PDE4D: variants seen among roughly 807,000 people sequenced by gnomAD.
PDE4D encodes the protein 3',5'-cyclic-AMP phosphodiesterase 4D.
In PDE4D, 24 loss-of-function variants were observed where a neutral mutation model predicts 87.4. The observed-to-expected ratio is 0.27, with a 90% CI of 0.20 to 0.39. PDE4D has a LOEUF of 0.39. PDE4D is among the 10% of genes least tolerant of loss of function. The pLI, the probability that PDE4D is intolerant of heterozygous loss-of-function variation, is 1.00. For synonymous variants in PDE4D, 384 were observed against 383.2 expected, an observed-to-expected ratio of 1.00 and a Z score of -0.02; for missense variants, 714 against 1,041.0, an observed-to-expected ratio of 0.69 and a Z score of 4.32.
Position 60,318,183 on chromosome 5 carries a change from A to G in PDE4D, c.-89-132496T>C, listed in dbSNP as rs1442916602. Among the ~76,000 whole-genome samples, 4 of 152,200 alleles carry G rather than the reference A, an allele frequency of 2.6e-5. No homozygotes were observed. The East Asian group carries it at 7.7e-4, about 29-fold the overall frequency. On this transcript the variant is annotated intron_variant, in intron 1 of 16. Transcript: ENST00000502484. ...CTGGGTACTCCTGTATTAGGTGCATATATATTTAGGATAGTTAGCTCTTCC... is the reference window on the plus strand; with the variant it reads ...CTGGGTACTCCTGTATTAGGTGCATGTATATTTAGGATAGTTAGCTCTTCC...
At chr5:59,409,862 G>C (rs1206412558) in intron 1 of PDE4D, among the ~76,000 whole-genome samples, 1 of 152,012 alleles carries the variant, frequency 6.6e-6, no homozygotes, top group East Asian at 1.9e-4. Flanking sequence ...AGTACTATAG[G>C]TCTTTTCTCT....
intron 1 of PDE4D, among the ~76,000 whole-genome samples, chr5:60,407,534 AC>A (rs1741657331): frequency 7.3e-6 from 1 of 136,304 alleles, no homozygotes; most frequent in African/African-American, 2.9e-5. Flanking sequence ...GCTCACTGCA[AC>A]CTTCGCCTCC....
intron 1 of PDE4D, among the ~76,000 whole-genome samples, chr5:60,425,656 T>G (rs1434196923): frequency 2.0e-5 from 3 of 151,656 alleles, no homozygotes; most frequent in Non-Finnish European, 4.4e-5. Flanking sequence ...CAAAAAGCAA[T>G]GGCAACAAAA....
At chr5:59,335,031 A>G (rs898455582) in intron 1 of PDE4D, among the ~76,000 whole-genome samples, 12 of 152,072 alleles carry the variant, frequency 7.9e-5, no homozygotes, top group African/African-American at 2.9e-4. Flanking sequence ...TTTCCCATCC[A>G]TCATATTAAT....
At chr5:59,845,517 G>T (rs954222527) in intron 1 of PDE4D, among the ~76,000 whole-genome samples, 13 of 152,060 alleles carry the variant, frequency 8.5e-5, no homozygotes, top group African/African-American at 3.1e-4. Flanking sequence ...TTTGTTTGAT[G>T]GCTAAAATAT....
chr5:59,933,634 A>G (rs1445475132), intron 3 of PDE4D, among the ~76,000 whole-genome samples: 1 of 152,182 alleles, frequency 6.6e-6, no homozygotes, highest in Middle Eastern at 3.2e-3. Flanking sequence ...TAAGAAAATA[A>G]CTTGCTTAAA....
At chr5:59,833,666 T>C (rs939702792) in intron 1 of PDE4D, among the ~76,000 whole-genome samples, 1 of 151,848 alleles carries the variant, frequency 6.6e-6, no homozygotes, top group Non-Finnish European at 1.5e-5. Flanking sequence ...TCAGATTCCA[T>C]TGGTCGGTCA....
At chr5:59,878,310 A>G (rs554586086) in intron 1 of PDE4D, among the ~76,000 whole-genome samples, 1 of 152,288 alleles carries the variant, frequency 6.6e-6, no homozygotes, top group South Asian at 2.1e-4. Flanking sequence ...CAACACTGCA[A>G]ATTTCCTCTG....
chr5:60,157,918 TTCCTTCCC>T (rs1782130253), intron 2 of PDE4D, among the ~76,000 whole-genome samples: 1 of 128,592 alleles, frequency 7.8e-6, no homozygotes, highest in Non-Finnish European at 1.7e-5. Context: ...CCTTCCTTCC[TTCCTTCCC>T]TCTCTTTCTC....
chr5:60,162,363 C>A (rs1473259266), intron 2 of PDE4D, among the ~76,000 whole-genome samples: 2 of 152,048 alleles, frequency 1.3e-5, no homozygotes, highest in African/African-American at 4.8e-5. Flanking sequence ...GAGTTGGCCT[C>A]TTTAAGTCTC....
Position 59,970,922 on chromosome 5 carries a change from G to A in PDE4D, c.272+17566C>T, listed in dbSNP as rs1435210762. On this transcript the variant is annotated intron_variant, in intron 3 of 16. Transcript: ENST00000502484. Reference sequence around the variant, plus strand: ...CACATGCACACGTATGTTTATTGTGGCACTATTCACAATAGCAAAGACTTG... The same window carrying A: ...CACATGCACACGTATGTTTATTGTGACACTATTCACAATAGCAAAGACTTG... 3.3e-5 allele frequency among the ~76,000 whole-genome samples: 5 copies of A among 149,324 alleles called. No homozygotes were observed. In the East Asian group the frequency reaches 9.9e-4, roughly 29 times the overall value.
chr5:60,272,401 A>G (rs909248180), intron 1 of PDE4D, among the ~76,000 whole-genome samples: 3 of 152,242 alleles, frequency 2.0e-5, no homozygotes, highest in Admixed American at 6.5e-5. Flanking sequence ...GCAAATATGC[A>G]TGTAGGAAAT....
At chr5:60,338,321 G>A (rs925925131) in intron 1 of PDE4D, among the ~76,000 whole-genome samples, 20 of 152,296 alleles carry the variant, frequency 1.3e-4, no homozygotes, top group Middle Eastern at 3.4e-3. Context: ...AAACCCAGGC[G>A]CGCAAGATGC....
intron 1 of PDE4D, among the ~76,000 whole-genome samples, chr5:59,812,011 G>C (rs1451736985): frequency 6.6e-6 from 1 of 152,154 alleles, no homozygotes; most frequent in Non-Finnish European, 1.5e-5. Context: ...ACTGAGTCCT[G>C]GTCCCACAAA....
intron 1 of PDE4D, among the ~76,000 whole-genome samples, chr5:59,739,226 C>G (rs1335983315): frequency 6.6e-6 from 1 of 152,086 alleles, no homozygotes; most frequent in Non-Finnish European, 1.5e-5. Flanking sequence ...TCGAGACTGA[C>G]CTACGCAATA....
At chr5:60,167,403 G>T (rs1007250274) in intron 2 of PDE4D, among the ~76,000 whole-genome samples, 2 of 150,970 alleles carry the variant, frequency 1.3e-5, no homozygotes, top group African/African-American at 4.9e-5. Context: ...CGAGTAGCTG[G>T]GACTACAGGC....
intron 1 of PDE4D, among the ~76,000 whole-genome samples, chr5:59,783,368 G>A (rs1764815672): frequency 6.6e-6 from 1 of 152,152 alleles, no homozygotes; most frequent in African/African-American, 2.4e-5. Flanking sequence ...CCAGGTTGAG[G>A]TGTATTGATA....
chr5:59,948,399 G>A (rs1238933881), intron 3 of PDE4D, among the ~76,000 whole-genome samples: 1 of 152,126 alleles, frequency 6.6e-6, no homozygotes, highest in East Asian at 1.9e-4. Flanking sequence ...TCTTCATACT[G>A]CAGAAATATA....
chr5:59,957,338 A>G (rs1437257805), intron 3 of PDE4D, among the ~76,000 whole-genome samples: 1 of 150,232 alleles, frequency 6.7e-6, no homozygotes, highest in Non-Finnish European at 1.5e-5. Flanking sequence ...TTAGACAGAC[A>G]TTTTTACATA....
Sources: allele counts gnomAD v4.1 joint callset (sites outside exome capture counted in the v4.1 genomes callset), GRCh38; gene constraint gnomAD v4.1.1; transcripts MANE v1.5; gene names NCBI Gene and HGNC (gene_info 2026-07-23, HGNC 2026-07-21).